Variants in XRCC4 observed in about 807,000 individuals in gnomAD.
XRCC4 encodes X-ray repair cross complementing 4, also known as DNA repair protein XRCC4.
In XRCC4, 28 loss-of-function variants were observed where a neutral mutation model predicts 39.1. The ratio of observed to expected loss-of-function variants is 0.72; its 90% CI spans 0.53 to 0.98. The LOEUF (loss-of-function observed/expected upper bound fraction) is 0.98, where lower values mean the gene tolerates loss of function less well. Ranked by LOEUF, XRCC4 falls within the 50% of genes least tolerant of loss-of-function variation. The probability of loss-of-function intolerance (pLI) is 0.00; values close to 1 mark genes in which losing one functional copy is unlikely to be tolerated. For synonymous variants in XRCC4, 123 were observed against 126.4 expected, an observed-to-expected ratio of 0.97 and a Z score of 0.18; for missense variants, 350 against 376.4, an observed-to-expected ratio of 0.93 and a Z score of 0.58.
intron 3 of XRCC4, among the ~76,000 whole-genome samples, chr5:83,181,387 G>C (rs1372047115): frequency 6.6e-6 from 1 of 151,708 alleles, no homozygotes; most frequent in Non-Finnish European, 1.5e-5. Flanking sequence ...AGTTTTTTGT[G>C]TATCAATCTC....
rs182170370 is a variant in XRCC4, at chr5:83,346,066, T to G, written c.894-7065T>G. 1.6e-3 allele frequency among the ~76,000 whole-genome samples: 246 copies of G among 152,264 alleles called. 3 individuals are homozygous for G. The Middle Eastern group carries it at 0.041, about 25-fold the overall frequency. On this transcript the variant is annotated intron_variant, in intron 7 of 7. Transcript: ENST00000396027. ...AATATACACCACGTTTTAGTGAGAG[T>G]ATCATCTGGAGAAGTTTCATTATAT...
At chr5:83,365,665 C>G in the XRCC4 span, among the ~76,000 whole-genome samples, 1 of 152,128 alleles carries the variant, frequency 6.6e-6, no homozygotes, top group Non-Finnish European at 1.5e-5. Flanking sequence ...ATGTGCCCAG[C>G]AAGAACAATA....
intron 6 of XRCC4, among the ~76,000 whole-genome samples, chr5:83,223,014 C>G (rs1752147527): frequency 6.6e-6 from 1 of 152,124 alleles, no homozygotes; most frequent in Non-Finnish European, 1.5e-5. Context: ...TCCCAAAATG[C>G]TGGGATTACA....
chr5:83,315,712 A>C (rs192733535), intron 7 of XRCC4, among the ~76,000 whole-genome samples: 2 of 152,266 alleles, frequency 1.3e-5, no homozygotes, highest in Admixed American at 1.3e-4. Context: ...TTTACTGATT[A>C]TTGCAGGCCT....
chr5:83,232,554 G>T (rs965877141), intron 6 of XRCC4, among the ~76,000 whole-genome samples: 7 of 151,950 alleles, frequency 4.6e-5, no homozygotes, highest in South Asian at 2.1e-4. Context: ...AAAAGAGTAG[G>T]CATTAGAGCA....
chr5:83,301,388 G>T (rs962386915), intron 7 of XRCC4, among the ~76,000 whole-genome samples: 4 of 152,146 alleles, frequency 2.6e-5, no homozygotes, highest in African/African-American at 9.7e-5. Context: ...TTTGAGAAGT[G>T]TCTGTTCATA....
intron 7 of XRCC4, among the ~76,000 whole-genome samples, chr5:83,277,563 T>G (rs910390701): frequency 6.6e-6 from 1 of 152,050 alleles, no homozygotes; most frequent in African/African-American, 2.4e-5. Context: ...ACTGATGGGT[T>G]ACAGAGACAT....
chr5:83,108,707 A>G (rs1045317307), intron 2 of XRCC4, among the ~76,000 whole-genome samples: 1 of 151,890 alleles, frequency 6.6e-6, no homozygotes, highest in African/African-American at 2.4e-5. Context: ...CGCATTAAAG[A>G]TGGCATCTAC....
At chr5:83,307,522 T>C (rs1204278922) in intron 7 of XRCC4, among the ~76,000 whole-genome samples, 1 of 152,176 alleles carries the variant, frequency 6.6e-6, no homozygotes, top group Non-Finnish European at 1.5e-5. Context: ...TGAAAGTCTT[T>C]TAAGAGACTC....
chr5:83,206,313 G>A (rs1211109695), intron 6 of XRCC4, among the ~76,000 whole-genome samples: 1 of 152,114 alleles, frequency 6.6e-6, no homozygotes, highest in Non-Finnish European at 1.5e-5. Flanking sequence ...GAGAGGCGAT[G>A]AGCAAGGAGC....
intron 7 of XRCC4, among the ~76,000 whole-genome samples, chr5:83,286,231 C>T (rs1754728019): frequency 6.6e-6 from 1 of 152,066 alleles, no homozygotes; most frequent in Non-Finnish European, 1.5e-5. Flanking sequence ...AAAAGAAGCT[C>T]TTCTCTAACT....
rs182313531 is a variant in XRCC4, at chr5:83,094,684, T to C, written c.-10-10226T>C. On this transcript the variant is annotated intron_variant, in intron 1 of 7. Coordinates refer to ENST00000396027, the MANE Select transcript of XRCC4 (RefSeq NM_003401.5). ...TATATATTCTTGTGGTTAACTTTTT[T>C]TTTTTCCCAAAAGAGTTGAGGTTTC... 8.6e-5 allele frequency among the ~76,000 whole-genome samples: 13 copies of C among 152,000 alleles called. No individual in the cohort carries two copies. In the East Asian group the frequency reaches 2.1e-3, roughly 25 times the overall value.
In XRCC4 at chr5:83,153,284, C is replaced by T. The variant is rs542082397; in HGVS notation, c.315+42081C>T. On this transcript the variant is annotated intron_variant, in intron 3 of 7. Transcript: ENST00000396027. ...AGTGCAGTGGCATGATCATGGCTCACTGCAACCTCCGCCTCCCGAGTTCAA... is the reference window on the plus strand; with the variant it reads ...AGTGCAGTGGCATGATCATGGCTCATTGCAACCTCCGCCTCCCGAGTTCAA... Among the ~76,000 whole-genome samples the T allele has an allele frequency of 3.4e-3, 509 of 151,622 alleles. 1 individual carries two copies. Among genetic ancestry groups the T allele is most frequent in the African/African-American group, 0.011 (471 of 41,264 alleles).
chr5:83,345,796 T>A lies in XRCC4; in HGVS notation c.894-7335T>A, dbSNP rs368987985. On this transcript the variant is annotated intron_variant, in intron 7 of 7. Coordinates refer to ENST00000396027, the MANE Select transcript of XRCC4 (RefSeq NM_003401.5). ...ATTTTAAGGATGTTACTAATTTAAC[T>A]CCTATAAAGTTAAAAGAGAAGTCAA... is the stretch of plus-strand genomic sequence containing the variant. 1.8e-3 allele frequency among the ~76,000 whole-genome samples: 275 copies of A among 152,306 alleles called. 3 individuals are homozygous for A. The Middle Eastern group carries it at 0.041, about 23-fold the overall frequency.
intron 1 of XRCC4, among the ~76,000 whole-genome samples, chr5:83,080,641 C>A (rs1374971604): frequency 6.6e-6 from 1 of 152,094 alleles, no homozygotes; most frequent in Admixed American, 6.5e-5. Flanking sequence ...CATGAATCAT[C>A]TCCTTGTTTA....
downstream of XRCC4, among the ~76,000 whole-genome samples, chr5:83,355,560 A>G (rs1453515186): frequency 6.6e-6 from 1 of 152,256 alleles, no homozygotes; most frequent in Non-Finnish European, 1.5e-5. Flanking sequence ...CTTGATACAA[A>G]GAAATAATTA....
the XRCC4 span, among the ~76,000 whole-genome samples, chr5:83,363,360 T>G: frequency 6.6e-6 from 1 of 152,132 alleles, no homozygotes; most frequent in Non-Finnish European, 1.5e-5. Flanking sequence ...GTCTTGAATT[T>G]GGCAATAAGA....
intron 3 of XRCC4, among the ~76,000 whole-genome samples, chr5:83,114,969 C>T (rs933109035): frequency 8.5e-5 from 13 of 152,220 alleles, no homozygotes; most frequent in African/African-American, 1.9e-4. Flanking sequence ...AACAAAGTTA[C>T]GTCTTACATG....
chr5:83,216,636 A>G (rs1751870597), intron 6 of XRCC4, among the ~76,000 whole-genome samples: 1 of 152,192 alleles, frequency 6.6e-6, no homozygotes, highest in Non-Finnish European at 1.5e-5. Context: ...TGGCAATATA[A>G]AGGAGTAAAC....
Sources: allele counts gnomAD v4.1 joint callset (sites outside exome capture counted in the v4.1 genomes callset), GRCh38; gene constraint gnomAD v4.1.1; transcripts MANE v1.5; gene names NCBI Gene and HGNC (gene_info 2026-07-23, HGNC 2026-07-21).